The following SMURF1 variants were observed in gnomAD, a reference collection of about 807,000 sequenced individuals.
SMURF1 encodes the protein SMAD specific E3 ubiquitin protein ligase 1.
In SMURF1, 44 loss-of-function variants were observed where a neutral mutation model predicts 98.0. The ratio of observed to expected loss-of-function variants is 0.45; its 90% CI spans 0.35 to 0.58. The LOEUF (loss-of-function observed/expected upper bound fraction) is 0.58, where lower values mean the gene tolerates loss of function less well. Among genes scored for constraint, SMURF1 ranks in the 20% least tolerant of loss-of-function variants. SMURF1 has a pLI of 0.00. For missense variants in SMURF1, 687 were observed against 938.4 expected (o/e 0.73, Z 3.50); for synonymous variants, 396 against 374.9 (o/e 1.06, Z -0.65).
At chr7:99,111,636 G>A in intron 1 of SMURF1, among the ~76,000 whole-genome samples, 1 of 152,146 alleles carries the variant, frequency 6.6e-6, no homozygotes, top group East Asian at 1.9e-4. Context: ...CTTACTACAA[G>A]CAAGGGAACA....
At chr7:99,121,841 C>T (rs1478469561) in intron 1 of SMURF1, among the ~76,000 whole-genome samples, 1 of 152,250 alleles carries the variant, frequency 6.6e-6, no homozygotes, top group East Asian at 1.9e-4. Flanking sequence ...CCAAGACAAG[C>T]TCCTCAAACT....
At chr7:99,104,224 A>G (rs1466410751) in intron 1 of SMURF1, among the ~76,000 whole-genome samples, 1 of 152,208 alleles carries the variant, frequency 6.6e-6, no homozygotes, top group African/African-American at 2.4e-5. Context: ...AAAGTATTCT[A>G]AAACGTTATA....
chr7:99,051,401 A>G lies in SMURF1; in HGVS notation c.762T>C (p.His254=), dbSNP rs2150526587. 2 of 1,614,164 alleles carry G rather than the reference A, an allele frequency of 1.2e-6. No homozygotes were observed. The highest frequency in any genetic ancestry group is 1.1e-5 in the South Asian group (1 of 91,078). ...GCCACGTGCTAACTCCAGTCTGTGTATGCAAAAAGTAAACTTGGCCCTGGA... is the reference window on the plus strand; with the variant it reads ...GCCACGTGCTAACTCCAGTCTGTGTGTGCAAAAAGTAAACTTGGCCCTGGA... ...TTVQGQVYFL[H]TQTGVSTWHD... is the part of the protein sequence containing the mutation. The change falls in exon 8 of 18, where the codon CAT becomes CAC. Residue 254 remains histidine (H), a synonymous_variant. Coordinates refer to ENST00000361368, the MANE Select transcript of SMURF1 (RefSeq NM_181349.3).
chr7:99,125,588 C>T (rs182041108), intron 1 of SMURF1, among the ~76,000 whole-genome samples: 21 of 152,294 alleles, frequency 1.4e-4, no homozygotes, highest in African/African-American at 4.3e-4. Context: ...CAGGTTCCTT[C>T]CCAAGTAGCA....
At chr7:99,055,011 T>G (rs1795846869) in intron 5 of SMURF1, 146 bp from the exon 6 acceptor site, 2 of 663,316 alleles carry the variant, frequency 3.0e-6, no homozygotes, top group Non-Finnish European at 5.3e-6. Flanking sequence ...ATTCCTATGC[T>G]TTCCAATACG....
At chr7:99,127,308 C>T (rs1797767536) in intron 1 of SMURF1, among the ~76,000 whole-genome samples, 2 of 152,086 alleles carry the variant, frequency 1.3e-5, no homozygotes, top group Non-Finnish European at 1.5e-5. Context: ...ACACAATGCT[C>T]CCATCTGTGT....
rs1222530767 is a variant in SMURF1 at position 99,045,806 on chromosome 7, A to G, written c.1153-5T>C. On this transcript the variant is annotated splice_region_variant and splice_polypyrimidine_tract_variant and intron_variant, in intron 10 of 17. Transcript: ENST00000361368. ...CATTATCTGGCGGTAAGACTCCTGA[A>G]GAGCAACATCACAGTTTCAGAGAGA... 4 of 1,600,384 alleles carry G rather than the reference A, an allele frequency of 2.5e-6. No homozygotes were observed. The African/African-American group carries it at 5.4e-5, about 21-fold the overall frequency.
At chr7:99,054,067 G>A (rs1449134485) in intron 6 of SMURF1, among the ~76,000 whole-genome samples, 2 of 152,092 alleles carry the variant, frequency 1.3e-5, no homozygotes, top group African/African-American at 4.8e-5. Context: ...TAGCAGCTGG[G>A]ATTATAGGTG....
intron 11 of SMURF1, among the ~76,000 whole-genome samples, chr7:99,043,835 A>C (rs1795476329): frequency 6.6e-6 from 1 of 152,202 alleles, no homozygotes; most frequent in African/African-American, 2.4e-5. Flanking sequence ...TGGTCACAGC[A>C]TGACAAGGGA....
At chr7:99,059,029 A>G (rs1217644972) in intron 3 of SMURF1, among the ~76,000 whole-genome samples, 1 of 152,214 alleles carries the variant, frequency 6.6e-6, no homozygotes, top group African/African-American at 2.4e-5. Context: ...GGTTGCGGTG[A>G]GCCAAGATTG....
chr7:99,136,284 C>T (rs188516007), intron 1 of SMURF1, among the ~76,000 whole-genome samples: 35 of 152,248 alleles, frequency 2.3e-4, no homozygotes, highest in African/African-American at 7.9e-4. Flanking sequence ...GTGAATTGTC[C>T]ATATTCTTTG....
chr7:99,069,008 G>A (rs1162475524), intron 1 of SMURF1, among the ~76,000 whole-genome samples: 1 of 152,014 alleles, frequency 6.6e-6, no homozygotes, highest in Admixed American at 6.5e-5. Context: ...ATGTAAGCGG[G>A]GTTTTCATAA....
At chr7:99,044,133 G>A (rs1319930743) in intron 11 of SMURF1, among the ~76,000 whole-genome samples, 2 of 152,172 alleles carry the variant, frequency 1.3e-5, no homozygotes, top group African/African-American at 4.8e-5. Context: ...CCACCATGGT[G>A]AAACCCCATC....
intron 6 of SMURF1, among the ~76,000 whole-genome samples, chr7:99,053,356 A>G (rs1176605298): frequency 6.6e-6 from 1 of 152,118 alleles, no homozygotes; most frequent in Non-Finnish European, 1.5e-5. Context: ...CCACTCTTCC[A>G]ATCCCTCCCC....
chr7:99,070,536 T>C (rs1324668088), intron 1 of SMURF1, among the ~76,000 whole-genome samples: 1 of 152,230 alleles, frequency 6.6e-6, no homozygotes, highest in South Asian at 2.1e-4. Flanking sequence ...CTAGCTCCAC[T>C]GAAGCAAGTA....
At chr7:99,134,711 C>T (rs188800418) in intron 1 of SMURF1, among the ~76,000 whole-genome samples, 1 of 152,070 alleles carries the variant, frequency 6.6e-6, no homozygotes, top group African/African-American at 2.4e-5. Flanking sequence ...TGCAAATGAG[C>T]ATTTTACTCC....
intron 1 of SMURF1, among the ~76,000 whole-genome samples, chr7:99,063,263 ATATATATAT>A (rs1796097398): frequency 2.4e-4 from 2 of 8,238 alleles, no homozygotes; most frequent in East Asian, 7.3e-3. Flanking sequence ...ATATATATAT[ATATATATAT>A]ATATATATAT....
At chr7:99,041,299 G>T (rs568682449) in intron 12 of SMURF1, among the ~76,000 whole-genome samples, 3 of 152,264 alleles carry the variant, frequency 2.0e-5, no homozygotes, top group East Asian at 3.9e-4. Context: ...CTACTCGGGA[G>T]GCTGAGGCAG....
intron 1 of SMURF1, among the ~76,000 whole-genome samples, chr7:99,139,332 T>C (rs1197662886): frequency 2.0e-5 from 3 of 152,218 alleles, no homozygotes; most frequent in Non-Finnish European, 4.4e-5. Flanking sequence ...TTTGTTCCTC[T>C]CTGTTTGGAA....
Sources: gnomAD v4.1 joint callset for allele counts (sites outside exome capture counted in the v4.1 genomes callset) on GRCh38, gnomAD v4.1.1 for gene constraint, MANE v1.5 for transcripts, NCBI Gene and HGNC (gene_info 2026-07-23, HGNC 2026-07-21) for gene names.